Variants in SARDH observed in about 807,000 individuals in gnomAD.
SARDH encodes sarcosine dehydrogenase, mitochondrial.
In SARDH, 95 loss-of-function variants were observed where a neutral mutation model predicts 109.1. The observed-to-expected ratio is 0.87, with a 90% CI of 0.74 to 1.03. SARDH has a LOEUF of 1.03. SARDH is among the 50% of genes least tolerant of loss of function. The pLI is 0.00. For synonymous variants in SARDH, 572 were observed against 534.8 expected, an observed-to-expected ratio of 1.07 and a Z score of -0.96; for missense variants, 1,267 against 1,287.8, an observed-to-expected ratio of 0.98 and a Z score of 0.25.
intron 17 of SARDH, among the ~76,000 whole-genome samples, chr9:133,679,996 G>A (rs1481292819): frequency 3.9e-5 from 6 of 152,162 alleles, no homozygotes; most frequent in South Asian, 4.1e-4. Context: ...CCAACTGATC[G>A]CCTATAAATA....
intron 6 of SARDH, chr9:133,725,747 A>T: frequency 4.3e-6 from 1 of 231,834 alleles, no homozygotes; most frequent in South Asian, 4.7e-5. Context: ...GAGAGGAACC[A>T]CTGATTTAAC....
At chr9:133,669,913 C>A (rs896854163) in intron 19 of SARDH, among the ~76,000 whole-genome samples, 3 of 152,224 alleles carry the variant, frequency 2.0e-5, no homozygotes, top group African/African-American at 7.2e-5. Flanking sequence ...AGAGGGGTGG[C>A]CTGGGCTTGG....
chr9:133,666,594 T>A lies in SARDH; in HGVS notation c.2631+141A>T. The A allele has an allele frequency of 1.1e-6, 1 of 929,918 alleles. No individual in the cohort carries two copies. Among genetic ancestry groups the A allele is most frequent in the Non-Finnish European group, 1.5e-6 (1 of 677,146 alleles). 57.6% of individuals were successfully genotyped at this position (929,918 alleles called of 1,614,324 possible). ...CCTCCCCCTCTTCCCTCCTCCCTCC[T>A]TTCTCTTCCCTCCTCCTCTTCTGGA... On this transcript the variant is annotated intron_variant, in intron 20 of 20. Transcript: ENST00000439388. The surrounding 1 kb of genome is among the most constrained non-coding windows in gnomAD (Gnocchi z 5.2).
At chr9:133,732,690 A>G in intron 2 of SARDH, 89 bp from the exon 3 acceptor site, 12 of 1,396,512 alleles carry the variant, frequency 8.6e-6, no homozygotes, top group Non-Finnish European at 1.2e-5. Flanking sequence ...CCTGATATTC[A>G]ACCATGGGTG....
chr9:133,730,186 A>T lies in SARDH; in HGVS notation c.692T>A (p.Val231Asp). 2 of 1,614,054 alleles carry T rather than the reference A, an allele frequency of 1.2e-6. No homozygotes were observed. The highest frequency in any genetic ancestry group is 1.7e-6 in the Non-Finnish European group (2 of 1,180,008). The change falls in exon 5 of 21, where the codon GTC becomes GAC. Residue 231 changes from valine to aspartate, a missense_variant and splice_region_variant. Val to Asp is a radical substitution (Grantham distance 152). Coordinates refer to ENST00000439388, the MANE Select transcript of SARDH (RefSeq NM_001134707.2). ...GCCGGTCACTGGGCAGTTCTCAATG[A>T]CCTGGAATTGAGAGGAACTGCTTCT... ...ARAASARGAQ[V>D]IENCPVTGIR...
At chr9:133,670,560 G>T in intron 19 of SARDH, 24 bp downstream of exon 19, 1 of 1,558,738 alleles carries the variant, frequency 6.4e-7, no homozygotes, top group Non-Finnish European at 8.7e-7. Context: ...CTTCCGGGTG[G>T]GCGTGGAACA....
At chr9:133,732,659 C>A in intron 2 of SARDH, 58 bp from the exon 3 acceptor site, 6 of 1,523,106 alleles carry the variant, frequency 3.9e-6, no homozygotes, top group Non-Finnish European at 5.3e-6. Context: ...CTCCTTCCCC[C>A]AGACGAATAT....
chr9:133,703,272 G>A, intron 12 of SARDH: 1 of 537,756 alleles, frequency 1.9e-6, no homozygotes, highest in South Asian at 2.3e-5. Flanking sequence ...CAGGGCCCAG[G>A]AGGCTGGAGG....
chr9:133,733,987 G>A lies in SARDH; in HGVS notation c.187C>T (p.Leu63=), dbSNP rs751702998. ...SVVAQGPSRP[L]PSTANVVVIG... ...ACCACCACGTTGGCCGTGCTGGGCA[G>A]GGGCCGGCTTGGGCCTTGGGCCACC... Residue 63 remains leucine (L), a synonymous_variant, in exon 2 of 21, where the codon CTG becomes TTG. Transcript: ENST00000439388. 33 of 1,612,536 alleles carry A rather than the reference G, an allele frequency of 2.0e-5. No individual in the cohort carries two copies. The East Asian group carries it at 2.7e-4, about 13-fold the overall frequency.
chr9:133,679,915 G>A (rs1830638706), intron 17 of SARDH, among the ~76,000 whole-genome samples: 2 of 152,226 alleles, frequency 1.3e-5, no homozygotes, highest in Non-Finnish European at 2.9e-5. Context: ...CCTCACAACT[G>A]CTTTCAACCC....
intron 1 of SARDH, among the ~76,000 whole-genome samples, chr9:133,737,304 C>T (rs920498639): frequency 5.3e-5 from 8 of 152,200 alleles, no homozygotes; most frequent in African/African-American, 7.2e-5. Flanking sequence ...ATTGCAGCGG[C>T]GTAGGGGAGT....
chr9:133,690,284 C>T (rs184356876), intron 16 of SARDH, 96 bp downstream of exon 16: 1,023 of 1,416,216 alleles, frequency 7.2e-4, no homozygotes, highest in Admixed American at 1.6e-3. Flanking sequence ...TTCAGAATGG[C>T]CCATTCTGGA....
At chr9:133,698,663 C>T (rs1034861649) in intron 13 of SARDH, among the ~76,000 whole-genome samples, 1 of 152,192 alleles carries the variant, frequency 6.6e-6, no homozygotes, top group Admixed American at 6.5e-5. Flanking sequence ...GGTGCCAAGA[C>T]AATTCCAAGG....
downstream of SARDH, among the ~76,000 whole-genome samples, chr9:133,659,844 GCAGGCCCAAGAAGCCTCT>G (rs1588357208): frequency 6.6e-6 from 1 of 152,096 alleles, no homozygotes; most frequent in East Asian, 2.0e-4. Context: ...TAGACACGGA[GCAGGCCCAAGAAGCCTCT>G]TCCCGCGATC....
rs1042798909 is a variant in SARDH at position 133,712,660 on chromosome 9, G to T, written c.1287C>A (p.Ile429=). 9 of 1,610,340 alleles carry T rather than the reference G, an allele frequency of 5.6e-6. No individual in the cohort carries two copies. Among genetic ancestry groups the T allele is most frequent in the Non-Finnish European group, 7.6e-6 (9 of 1,179,970 alleles). The change falls in exon 10 of 21, where the codon ATC becomes ATA. Residue 429 remains isoleucine, a synonymous_variant. Transcript: ENST00000439388. This position sits in a 1 kb window ranked among gnomAD's most constrained non-coding sequence, Gnocchi z 4.1. ...GCGQELAHWI[I]HGRPEKDMHG... The stretch of plus-strand genomic sequence containing the variant: ...GCATGTCCTTCTCCGGGCGCCCATG[G>T]ATGATCCAGTGGGCCAGCTCCTGCC...
intron 17 of SARDH, among the ~76,000 whole-genome samples, chr9:133,674,641 GGAAA>G (rs1830457154): frequency 6.6e-6 from 1 of 152,220 alleles, no homozygotes; most frequent in Admixed American, 6.5e-5. Flanking sequence ...CCACTCATGG[GGAAA>G]GAGTCTCCAA....
At chr9:133,671,422 G>A (rs982966455) in intron 18 of SARDH, 113 bp downstream of exon 18, 13 of 1,316,370 alleles carry the variant, frequency 9.9e-6, no homozygotes, top group Middle Eastern at 2.7e-4. Context: ...AAAGAAGGAA[G>A]CCGGGTGACA....
At chr9:133,671,488 C>A (rs1460010699) in intron 18 of SARDH, 47 bp downstream of exon 18, 1 of 1,513,316 alleles carries the variant, frequency 6.6e-7, no homozygotes, top group East Asian at 2.5e-5. Flanking sequence ...GTCACTGCCC[C>A]CCACTGCGCC....
rs549063025 is a variant in SARDH at position 133,718,568 on chromosome 9, C to T, written c.1020+370G>A. 14 of 735,864 alleles carry T rather than the reference C, an allele frequency of 1.9e-5. No individual in the cohort carries two copies. The highest frequency in any genetic ancestry group is 1.9e-4 in the African/African-American group (11 of 58,634). 45.6% of individuals were successfully genotyped at this position (735,864 alleles called of 1,614,324 possible). ...GGCTGCCCTAACCCCAGAAGCTGCC[C>T]GGGAAACAGCCCAGGCCAGGGGAAA... On this transcript the variant is annotated intron_variant, in intron 7 of 20. Transcript: ENST00000439388. This position sits in a 1 kb window ranked among gnomAD's most constrained non-coding sequence, Gnocchi z 4.2.
Sources: gnomAD v4.1 joint callset for allele counts (sites outside exome capture counted in the v4.1 genomes callset) on GRCh38, gnomAD v4.1.1 for gene constraint, Gnocchi (gnomAD v3.1) non-coding constraint, MANE v1.5 for transcripts, NCBI Gene and HGNC (gene_info 2026-07-23, HGNC 2026-07-21) for gene names.